Variants in COP1 observed in about 807,000 individuals in gnomAD.
COP1 encodes the protein E3 ubiquitin-protein ligase COP1.
Under a neutral mutation model 101.3 loss-of-function variants are expected in COP1, and 24 were observed. The ratio of observed to expected loss-of-function variants is 0.24; its 90% CI spans 0.17 to 0.33. The LOEUF is 0.33. Ranked by LOEUF, COP1 falls within the 10% of genes least tolerant of loss-of-function variation. The pLI is 1.00. For missense variants in COP1, 663 were observed against 906.2 expected (o/e 0.73, Z 3.45); for synonymous variants, 347 against 341.9 (o/e 1.01, Z -0.17).
At chr1:175,948,010 A>G (rs900969411) in intron 18 of COP1, among the ~76,000 whole-genome samples, 2 of 152,242 alleles carry the variant, frequency 1.3e-5, no homozygotes, top group Non-Finnish European at 2.9e-5. Flanking sequence ...TGGTATTAGG[A>G]AAACAAGAAA....
intron 5 of COP1, among the ~76,000 whole-genome samples, chr1:176,161,525 G>T (rs916768361): frequency 2.0e-5 from 3 of 152,196 alleles, no homozygotes; most frequent in African/African-American, 7.2e-5. Flanking sequence ...TTGAGCCCAG[G>T]GGGTAGAGGA....
At chr1:176,114,433 G>C (rs931465161) in intron 9 of COP1, among the ~76,000 whole-genome samples, 1 of 152,140 alleles carries the variant, frequency 6.6e-6, no homozygotes, top group African/African-American at 2.4e-5. Flanking sequence ...AAGAAAAACA[G>C]AAGTGATATA....
intron 11 of COP1, among the ~76,000 whole-genome samples, chr1:176,073,441 C>T (rs1677370761): frequency 6.6e-6 from 1 of 152,100 alleles, no homozygotes; most frequent in Non-Finnish European, 1.5e-5. Context: ...AAAATTCAAA[C>T]TCGGAATTCA....
intron 2 of COP1, among the ~76,000 whole-genome samples, chr1:176,176,364 G>A (rs541245504): frequency 7.9e-5 from 12 of 152,084 alleles, no homozygotes; most frequent in South Asian, 4.1e-4. Flanking sequence ...ATTGGCCTGC[G>A]AATACCCTTA....
intron 18 of COP1, among the ~76,000 whole-genome samples, chr1:175,964,446 T>C (rs936842636): frequency 3.3e-5 from 5 of 152,152 alleles, no homozygotes; most frequent in Admixed American, 6.5e-5. Flanking sequence ...CAGAAGATGA[T>C]TTTTAATTTT....
rs754994379 is a variant in COP1 at position 176,206,646 on chromosome 1, C to T, written c.333G>A (p.Arg111=). Residue 111 remains arginine, a synonymous_variant, in exon 1 of 20, where the codon AGG becomes AGA. Transcript: ENST00000367669. The part of the protein sequence containing the change: ...GSSSSLGSGS[R]KRPLLAPLCN... Reference sequence around the variant, plus strand: ...AGAGGGGGGCGAGGAGAGGTCGCTTCCTGCTGCCGCTGCCTAGGCTGGAGC... The same window carrying T: ...AGAGGGGGGCGAGGAGAGGTCGCTTTCTGCTGCCGCTGCCTAGGCTGGAGC... 1 of 1,611,788 alleles carries T rather than the reference C, an allele frequency of 6.2e-7. No homozygotes were observed. Among genetic ancestry groups the T allele is most frequent in the Non-Finnish European group, 8.5e-7 (1 of 1,179,996 alleles).
chr1:176,179,751 A>T (rs1043121353), intron 2 of COP1, among the ~76,000 whole-genome samples: 2 of 151,960 alleles, frequency 1.3e-5, no homozygotes, highest in African/African-American at 2.4e-5. Context: ...CAGAAAAAAA[A>T]TTTTTTGTCA....
At chr1:176,118,325 T>C (rs542726151) in intron 8 of COP1, among the ~76,000 whole-genome samples, 94 of 152,326 alleles carry the variant, frequency 6.2e-4, no homozygotes, top group African/African-American at 2.2e-3. Context: ...AAATAAATCA[T>C]ATGAATCTGT....
At chr1:176,058,576 C>T (rs1012198913) in intron 11 of COP1, among the ~76,000 whole-genome samples, 7 of 152,108 alleles carry the variant, frequency 4.6e-5, no homozygotes, top group Non-Finnish European at 4.4e-5. Flanking sequence ...CATTAAGAGT[C>T]ATCACCACTC....
chr1:175,996,153 G>T (rs922099750), intron 15 of COP1, among the ~76,000 whole-genome samples: 7 of 152,010 alleles, frequency 4.6e-5, no homozygotes, highest in Non-Finnish European at 8.8e-5. Flanking sequence ...AATCCACATG[G>T]TTACCTCAAT....
chr1:176,105,696 A>G (rs1684189025), intron 9 of COP1, among the ~76,000 whole-genome samples: 1 of 152,244 alleles, frequency 6.6e-6, no homozygotes, highest in Non-Finnish European at 1.5e-5. Context: ...TATATTAACT[A>G]AAGATAAATA....
At chr1:176,022,626 A>G (rs995616964) in intron 15 of COP1, among the ~76,000 whole-genome samples, 2 of 152,190 alleles carry the variant, frequency 1.3e-5, no homozygotes, top group African/African-American at 4.8e-5. Flanking sequence ...TCTAGTTGTA[A>G]AGTTTTTCTT....
At chr1:175,994,966 C>T (rs1407905018) in intron 15 of COP1, among the ~76,000 whole-genome samples, 1 of 152,128 alleles carries the variant, frequency 6.6e-6, no homozygotes, top group Non-Finnish European at 1.5e-5. Context: ...CACACAACAC[C>T]TATTCCAAAA....
intron 9 of COP1, among the ~76,000 whole-genome samples, chr1:176,109,241 G>C: frequency 6.6e-6 from 1 of 152,086 alleles, no homozygotes; most frequent in African/African-American, 2.4e-5. Flanking sequence ...TTTCTTATAT[G>C]TAGGGTAGAC....
At chr1:176,172,578 G>A (rs1696242326) in intron 3 of COP1, among the ~76,000 whole-genome samples, 1 of 152,148 alleles carries the variant, frequency 6.6e-6, no homozygotes, top group South Asian at 2.1e-4. Flanking sequence ...GAACATCTCA[G>A]AATCATATAA....
chr1:176,157,213 C>T (rs941035651), intron 5 of COP1, among the ~76,000 whole-genome samples: 4 of 151,888 alleles, frequency 2.6e-5, no homozygotes, highest in African/African-American at 9.7e-5. Flanking sequence ...ATAACAACAA[C>T]AATAATATTA....
rs552316492 is a variant in COP1, at chr1:176,107,124, C to A, written c.1026+9500G>T. ...TTCCAGAAATATAAATGGTTTGATT[C>A]CTGGGAGTCCTTCAGTAATCAAACA... On this transcript the variant is annotated intron_variant, in intron 9 of 19. Transcript: ENST00000367669. Among the ~76,000 whole-genome samples, 8 of 151,982 alleles carry A rather than the reference C, an allele frequency of 5.3e-5. No homozygotes were observed. The South Asian group carries it at 1.0e-3, about 20-fold the overall frequency.
At chr1:176,138,303 A>G (rs557422528) in intron 6 of COP1, among the ~76,000 whole-genome samples, 9 of 152,334 alleles carry the variant, frequency 5.9e-5, no homozygotes, top group African/African-American at 1.9e-4. Context: ...GAAAACACCA[A>G]TGTTAAAGAG....
At chr1:176,096,931 C>G (rs1396077929) in intron 9 of COP1, among the ~76,000 whole-genome samples, 1 of 152,118 alleles carries the variant, frequency 6.6e-6, no homozygotes, top group East Asian at 1.9e-4. Flanking sequence ...ACATTTGTGG[C>G]CCGGGGTTCG....
Sources: allele counts gnomAD v4.1 joint callset (sites outside exome capture counted in the v4.1 genomes callset), GRCh38; gene constraint gnomAD v4.1.1; transcripts MANE v1.5; gene names NCBI Gene and HGNC (gene_info 2026-07-23, HGNC 2026-07-21).